Variants in TMEM123 observed in about 807,000 individuals in gnomAD.
The protein encoded by TMEM123 is porimin.
A neutral mutation model predicts 19.7 loss-of-function variants in TMEM123; 16 were observed. The observed-to-expected ratio is 0.81, with a 90% CI of 0.55 to 1.23. The LOEUF is 1.23. TMEM123 is among the 50% of genes most tolerant of loss of function. The pLI, the probability that TMEM123 is intolerant of heterozygous loss-of-function variation, is 0.00. For missense variants in TMEM123, 313 were observed against 257.8 expected (o/e 1.21, Z -1.47); for synonymous variants, 118 against 99.4 (o/e 1.19, Z -1.12).
chr11:102,397,143 T>C lies in TMEM123; in HGVS notation c.*1724A>G, dbSNP rs1951864334. On this transcript the variant is annotated 3_prime_UTR_variant, in exon 5 of 5. Transcript: ENST00000398136. ...TTCAGAAAATTTCCTCCATACTCCA[T>C]GTATGTGTTACATACATCCAATCAT... 6.6e-6 allele frequency: 1 copy of C among 152,182 alleles called. No homozygotes were observed. The highest frequency in any genetic ancestry group is 2.4e-5 in the African/African-American group (1 of 41,412). The allele number at this position is 152,182 out of a possible 1,614,324, so 9.4% of individuals were successfully genotyped here.
At chr11:102,427,307 T>C (rs942578397) in intron 2 of TMEM123, among the ~76,000 whole-genome samples, 3 of 152,108 alleles carry the variant, frequency 2.0e-5, no homozygotes, top group African/African-American at 4.8e-5. Flanking sequence ...CTTGAGCTTT[T>C]TGTTGACTGA....
At chr11:102,450,645 G>A (rs1173291141) in intron 1 of TMEM123, among the ~76,000 whole-genome samples, 1 of 152,184 alleles carries the variant, frequency 6.6e-6, no homozygotes, top group African/African-American at 2.4e-5. Flanking sequence ...ATCTAACGCG[G>A]CTTAGTGGTG....
At chr11:102,450,555 G>A (rs1402047720) in intron 1 of TMEM123, among the ~76,000 whole-genome samples, 1 of 152,166 alleles carries the variant, frequency 6.6e-6, no homozygotes, top group Non-Finnish European at 1.5e-5. Flanking sequence ...TTTCAATAAT[G>A]TTTTTATCTT....
At chr11:102,404,891 G>A (rs2135843654) in intron 2 of TMEM123, among the ~76,000 whole-genome samples, 1 of 151,906 alleles carries the variant, frequency 6.6e-6, no homozygotes, top group Non-Finnish European at 1.5e-5. Flanking sequence ...AAGCCACCAT[G>A]CTCGGCCCCA....
chr11:102,397,384 T>G lies in TMEM123; in HGVS notation c.*1483A>C, dbSNP rs78166678. 6.6e-6 allele frequency: 1 copy of G among 152,190 alleles called. No individual in the cohort carries two copies. Among genetic ancestry groups the G allele is most frequent in the South Asian group, 2.1e-4 (1 of 4,830 alleles). 9.4% of individuals were successfully genotyped at this position (152,190 alleles called of 1,614,324 possible). ...CCTTCAGAAACTGGTGTGATTCACT[T>G]TGGCCCTCTGAGATAGAAATGCCAT... is the stretch of plus-strand genomic sequence containing the variant. On this transcript the variant is annotated 3_prime_UTR_variant, in exon 5 of 5. Coordinates refer to ENST00000398136, the MANE Select transcript of TMEM123 (RefSeq NM_052932.3).
intron 2 of TMEM123, among the ~76,000 whole-genome samples, chr11:102,439,086 C>T (rs992858899): frequency 2.0e-5 from 3 of 152,166 alleles, no homozygotes; most frequent in South Asian, 2.1e-4. Context: ...ACAAAGTGGC[C>T]GGGAAGCTCG....
In TMEM123 at chr11:102,398,362, T is replaced by A; in HGVS notation, c.*505A>T. ...TTAAAGCACAAAAAATGTTGATGTT[T>A]TTCTTAAATTATGCTTCAGATCTAG... On this transcript the variant is annotated 3_prime_UTR_variant, in exon 5 of 5. Coordinates refer to ENST00000398136, the MANE Select transcript of TMEM123 (RefSeq NM_052932.3). The A allele has an allele frequency of 2.6e-6, 1 of 387,346 alleles. No individual in the cohort carries two copies. The highest frequency in any genetic ancestry group is 4.6e-6 in the Non-Finnish European group (1 of 219,594). 24.0% of individuals were successfully genotyped at this position (387,346 alleles called of 1,614,324 possible). A position where few individuals can be genotyped will look rare whatever the true frequency, so the allele number is the denominator to read the frequency against.
At chr11:102,422,388 C>T (rs1370038849) in intron 2 of TMEM123, among the ~76,000 whole-genome samples, 1 of 152,124 alleles carries the variant, frequency 6.6e-6, no homozygotes, top group Admixed American at 6.5e-5. Flanking sequence ...GCAGGAGAAT[C>T]GCTTGAACCT....
Position 102,452,704 on chromosome 11 carries a change from G to C in TMEM123, c.-81C>G. On this transcript the variant is annotated 5_prime_UTR_variant, in exon 1 of 5. Coordinates refer to ENST00000398136, the MANE Select transcript of TMEM123 (RefSeq NM_052932.3). Reference sequence around the variant, plus strand: ...CGAGAGCGGCTCCTCTGCGCAGCCGGCGCCGGCTCCGCTTCCCCTTCGGCC... The same window carrying C: ...CGAGAGCGGCTCCTCTGCGCAGCCGCCGCCGGCTCCGCTTCCCCTTCGGCC... 4 of 1,144,878 alleles carry C rather than the reference G, an allele frequency of 3.5e-6. No homozygotes were observed. The highest frequency in any genetic ancestry group is 4.6e-6 in the Non-Finnish European group (4 of 877,794). The allele number at this position is 1,144,878 out of a possible 1,614,324, so 70.9% of individuals were successfully genotyped here. A position where few individuals can be genotyped will look rare whatever the true frequency, so the allele number is the denominator to read the frequency against.
intron 2 of TMEM123, among the ~76,000 whole-genome samples, chr11:102,439,137 C>A (rs1205858902): frequency 6.6e-6 from 1 of 152,186 alleles, no homozygotes; most frequent in South Asian, 2.1e-4. Context: ...GGCCTGCCTG[C>A]CTCTGTAGAT....
At position 102,397,343 on chromosome 11, in the gene TMEM123, T is replaced by C. The variant is rs907416237; in HGVS notation, c.*1524A>G. 1 of 152,244 alleles carries C rather than the reference T, an allele frequency of 6.6e-6. No individual in the cohort carries two copies. Among genetic ancestry groups the C allele is most frequent in the African/African-American group, 2.4e-5 (1 of 41,474 alleles). 9.4% of individuals were successfully genotyped at this position (152,244 alleles called of 1,614,324 possible). A position where few individuals can be genotyped will look rare whatever the true frequency, so the allele number is the denominator to read the frequency against. ...GTAGGTGCATGTTCATTAGGACATC[T>C]GAGCTATTTTTAGGACCTTCAGAAA... On this transcript the variant is annotated 3_prime_UTR_variant, in exon 5 of 5. Transcript: ENST00000398136.
intron 2 of TMEM123, among the ~76,000 whole-genome samples, chr11:102,417,408 T>TC (rs1952051104): frequency 6.6e-6 from 1 of 151,746 alleles, no homozygotes; most frequent in Admixed American, 6.6e-5. Flanking sequence ...AGCACTCCCT[T>TC]CCCCCACCAC....
At chr11:102,423,519 C>T (rs1952102790) in intron 2 of TMEM123, among the ~76,000 whole-genome samples, 1 of 152,170 alleles carries the variant, frequency 6.6e-6, no homozygotes, top group African/African-American at 2.4e-5. Context: ...GTGAGCAAGC[C>T]ACACTGGAAG....
intron 2 of TMEM123, among the ~76,000 whole-genome samples, chr11:102,430,173 G>A (rs1395790175): frequency 6.6e-6 from 1 of 152,224 alleles, no homozygotes; most frequent in African/African-American, 2.4e-5. Context: ...CCCCTGTTAA[G>A]TGAGAAGACC....
intron 2 of TMEM123, among the ~76,000 whole-genome samples, chr11:102,422,990 G>A (rs578117650): frequency 1.3e-5 from 2 of 152,212 alleles, no homozygotes; most frequent in African/African-American, 4.8e-5. Context: ...TACCTCTCAG[G>A]CCCTCAGAAC....
chr11:102,430,070 G>A (rs188038831), intron 2 of TMEM123, among the ~76,000 whole-genome samples: 36 of 152,308 alleles, frequency 2.4e-4, no homozygotes, highest in Non-Finnish European at 4.1e-4. Context: ...CAGCCAGCAT[G>A]AGTACCTTTT....
intron 2 of TMEM123, among the ~76,000 whole-genome samples, chr11:102,407,671 A>G (rs1022304538): frequency 1.3e-5 from 2 of 152,216 alleles, no homozygotes; most frequent in African/African-American, 4.8e-5. Flanking sequence ...GTGAAGATGA[A>G]GACAGAGATC....
At position 102,399,453 on chromosome 11, in the gene TMEM123, G is replaced by C. The variant is rs570913686; in HGVS notation, c.603-562C>G. Reference sequence around the variant, plus strand: ...GAGCCACTGCAAAGCACTCTGTTTAGTCATGGTTTCTTTTATGTATTCTTT... The same window carrying C: ...GAGCCACTGCAAAGCACTCTGTTTACTCATGGTTTCTTTTATGTATTCTTT... On this transcript the variant is annotated intron_variant, in intron 4 of 4. Coordinates refer to ENST00000398136, the MANE Select transcript of TMEM123 (RefSeq NM_052932.3). Among the ~76,000 whole-genome samples, 17 of 152,220 alleles carry C rather than the reference G, an allele frequency of 1.1e-4. No homozygotes were observed. In the South Asian group the frequency reaches 1.5e-3, roughly 13 times the overall value.
At chr11:102,419,653 A>G (rs576198411) in intron 2 of TMEM123, among the ~76,000 whole-genome samples, 50 of 152,374 alleles carry the variant, frequency 3.3e-4, no homozygotes, top group Admixed American at 9.8e-4. Flanking sequence ...AGTGAGCTCA[A>G]TAGGTCTCTA....
Sources: gnomAD v4.1 joint callset for allele counts (sites outside exome capture counted in the v4.1 genomes callset) on GRCh38, gnomAD v4.1.1 for gene constraint, MANE v1.5 for transcripts, NCBI Gene and HGNC (gene_info 2026-07-23, HGNC 2026-07-21) for gene names.